Variants in CHD9 observed in about 807,000 individuals in gnomAD.
CHD9 encodes chromodomain helicase DNA binding protein 9.
CHD9 carries 77 observed loss-of-function variants against 316.1 expected under a neutral mutation model. That is an observed-to-expected ratio of 0.24 (90% CI 0.20 to 0.29). CHD9 has a LOEUF of 0.29. Among genes scored for constraint, CHD9 ranks in the 10% least tolerant of loss-of-function variants. CHD9 has a pLI of 1.00. For synonymous variants in CHD9, 1,129 were observed against 1,158.3 expected, an observed-to-expected ratio of 0.97 and a Z score of 0.51; for missense variants, 2,763 against 3,438.1, an observed-to-expected ratio of 0.80 and a Z score of 4.91.
chr16:53,192,956 T>G (rs973579868), intron 2 of CHD9, among the ~76,000 whole-genome samples: 2 of 152,202 alleles, frequency 1.3e-5, no homozygotes, highest in African/African-American at 4.8e-5. Flanking sequence ...CTTTTTTTTG[T>G]TAACCATATG....
chr16:53,314,970 C>T lies in CHD9; in HGVS notation c.7510C>T (p.Pro2504Ser), dbSNP rs758548630. Reference sequence around the variant, plus strand: ...AACGAGACTTGCAGGAGATGATGCACCAAAGAGAAAGGATTTGGAAAAATG... The same window carrying T: ...AACGAGACTTGCAGGAGATGATGCATCAAAGAGAAAGGATTTGGAAAAATG... ...DGTRLAGDDA[P>S]KRKDLEKWLK... is the part of the protein sequence containing the mutation. Residue 2504 changes from proline (P) to serine (S), a missense_variant, in exon 36 of 39, where the codon CCA becomes TCA. Pro to Ser is a moderately conservative substitution (Grantham distance 74). Coordinates refer to ENST00000447540, the MANE Select transcript of CHD9 (RefSeq NM_001308319.2). 1 of 1,613,626 alleles carries T rather than the reference C, an allele frequency of 6.2e-7. No individual in the cohort carries two copies. Among genetic ancestry groups the T allele is most frequent in the Non-Finnish European group, 8.5e-7 (1 of 1,179,774 alleles).
intron 1 of CHD9, among the ~76,000 whole-genome samples, chr16:53,061,636 T>C (rs2032917674): frequency 6.6e-6 from 1 of 152,190 alleles, no homozygotes; most frequent in African/African-American, 2.4e-5. Flanking sequence ...ATAGAAAATA[T>C]TTCAGAAGTG....
intron 1 of CHD9, among the ~76,000 whole-genome samples, chr16:53,091,783 A>AT (rs2035964077): frequency 1.3e-5 from 2 of 152,032 alleles, no homozygotes. Context: ...CCAGGCAGTT[A>AT]TTTCTGTCCC....
chr16:53,122,113 T>A (rs1437141385), intron 1 of CHD9: 1 of 152,148 alleles, frequency 6.6e-6, no homozygotes, highest in Non-Finnish European at 1.5e-5. Flanking sequence ...GAAAGAACAT[T>A]TTCATTAATG....
chr16:53,080,758 T>C (rs2034947748), intron 1 of CHD9, among the ~76,000 whole-genome samples: 1 of 152,004 alleles, frequency 6.6e-6, no homozygotes, highest in Admixed American at 6.6e-5. Context: ...ACCAGCCAAG[T>C]CTCCACCCCT....
intron 1 of CHD9, among the ~76,000 whole-genome samples, chr16:53,106,541 G>T (rs1205568897): frequency 6.6e-6 from 1 of 152,072 alleles, no homozygotes; most frequent in African/African-American, 2.4e-5. Context: ...ATTATAACAG[G>T]TATTTACTAG....
chr16:53,231,250 C>G (rs934534968), intron 8 of CHD9, among the ~76,000 whole-genome samples, 169 bp from the exon 9 acceptor site: 4 of 152,116 alleles, frequency 2.6e-5, no homozygotes, highest in African/African-American at 9.7e-5. Context: ...TAACATTTTT[C>G]ATGTTATCCT....
chr16:53,150,765 G>GT (rs1026326351), intron 1 of CHD9, among the ~76,000 whole-genome samples: 14 of 152,102 alleles, frequency 9.2e-5, no homozygotes, highest in African/African-American at 3.1e-4. Flanking sequence ...TTAGTCAACA[G>GT]TTTTTTTCTT....
At chr16:53,106,797 G>T (rs1054856509) in intron 1 of CHD9, among the ~76,000 whole-genome samples, 12 of 152,142 alleles carry the variant, frequency 7.9e-5, no homozygotes, top group African/African-American at 2.9e-4. Context: ...AAGAGGAATA[G>T]ATCTTATCCT....
intron 1 of CHD9, among the ~76,000 whole-genome samples, chr16:53,086,108 C>T (rs1183861462): frequency 6.6e-6 from 1 of 152,100 alleles, no homozygotes; most frequent in African/African-American, 2.4e-5. Context: ...AGAACAGCCA[C>T]ATGCCCAGAG....
intron 2 of CHD9, among the ~76,000 whole-genome samples, chr16:53,193,722 G>A (rs975721423): frequency 2.6e-5 from 4 of 152,000 alleles, no homozygotes; most frequent in Admixed American, 6.6e-5. Flanking sequence ...AACATTTACC[G>A]AGTGCCTGCA....
chr16:53,182,150 G>A (rs2043580775), intron 2 of CHD9, among the ~76,000 whole-genome samples: 1 of 152,176 alleles, frequency 6.6e-6, no homozygotes. Flanking sequence ...TTATGTCATA[G>A]TATTTGCTTT....
chr16:53,126,947 G>C (rs547680789), intron 1 of CHD9, among the ~76,000 whole-genome samples: 3 of 151,980 alleles, frequency 2.0e-5, no homozygotes, highest in African/African-American at 7.2e-5. Flanking sequence ...CCAAAGTGCT[G>C]GGATTACAGG....
At chr16:53,075,432 C>T (rs144580125) in intron 1 of CHD9, among the ~76,000 whole-genome samples, 35 of 152,102 alleles carry the variant, frequency 2.3e-4, no homozygotes, top group Non-Finnish European at 4.3e-4. Context: ...GGGCCAGGGG[C>T]GGAATGATAT....
At chr16:53,236,805 C>T (rs1371762616) in intron 11 of CHD9, among the ~76,000 whole-genome samples, 5 of 152,098 alleles carry the variant, frequency 3.3e-5, no homozygotes, top group African/African-American at 1.2e-4. Flanking sequence ...CACAGTGTGA[C>T]TCTCTCCTAG....
At chr16:53,204,056 TATACACACACACAC>T (rs2045687468) in intron 2 of CHD9, among the ~76,000 whole-genome samples, 2 of 111,448 alleles carry the variant, frequency 1.8e-5, no homozygotes, top group African/African-American at 6.9e-5. Flanking sequence ...AAAATATATA[TATACACACACACAC>T]ACACACACAC....
Position 53,292,969 on chromosome 16 carries a change from G to A in CHD9, c.5427G>A (p.Ser1809=), listed in dbSNP as rs185134568. 47 of 1,613,674 alleles carry A rather than the reference G, an allele frequency of 2.9e-5. No homozygotes were observed. The Middle Eastern group carries it at 6.6e-4, about 23-fold the overall frequency. Residue 1809 remains serine (S), a synonymous_variant, in exon 29 of 39, where the codon TCG becomes TCA. Coordinates refer to ENST00000447540, the MANE Select transcript of CHD9 (RefSeq NM_001308319.2). ...TTCAGCAGATACAACCGACTTTCTC[G>A]GTGCCTACCAGTGTAATGCAGCCTA... ...RQIQQIQPTF[S]VPTSVMQPIY...
rs2057506472 is a variant in CHD9, at chr16:53,325,378, C to T, written c.*483C>T. ...CCATTGCTTTAATTACATGAAAATG[C>T]TCTAGTGTTGTGATGCACTGCTGAT... On this transcript the variant is annotated 3_prime_UTR_variant, in exon 39 of 39. Transcript: ENST00000447540. 6.5e-6 allele frequency: 1 copy of T among 153,498 alleles called. No homozygotes were observed. 9.5% of individuals were successfully genotyped at this position (153,498 alleles called of 1,614,324 possible).
intron 1 of CHD9, among the ~76,000 whole-genome samples, chr16:53,151,820 A>G (rs1212205992): frequency 6.6e-6 from 1 of 152,034 alleles, no homozygotes; most frequent in Non-Finnish European, 1.5e-5. Context: ...TTCTTGGGCC[A>G]TGGTTTCCTT....
Sources: allele counts gnomAD v4.1 joint callset (sites outside exome capture counted in the v4.1 genomes callset), GRCh38; gene constraint gnomAD v4.1.1; transcripts MANE v1.5; gene names NCBI Gene and HGNC (gene_info 2026-07-23, HGNC 2026-07-21).